The following RBPJL variants were observed in gnomAD, a reference collection of about 807,000 sequenced individuals.
RBPJL encodes recombination signal binding protein for immunoglobulin kappa J region like.
In RBPJL, 50 loss-of-function variants were observed where a neutral mutation model predicts 57.6. That is an observed-to-expected ratio of 0.87 (90% CI 0.69 to 1.10). The LOEUF is 1.10. Among genes scored for constraint, RBPJL ranks in the 50% least tolerant of loss-of-function variants. RBPJL has a pLI of 0.00. For missense variants in RBPJL, 684 were observed against 693.7 expected, an observed-to-expected ratio of 0.99 and a Z score of 0.16; for synonymous variants, 303 against 294.4, an observed-to-expected ratio of 1.03 and a Z score of -0.30.
In RBPJL at chr20:45,308,158, C is replaced by T; in HGVS notation, c.38C>T (p.Pro13Leu). 1 of 1,613,790 alleles carries T rather than the reference C, an allele frequency of 6.2e-7. No individual in the cohort carries two copies. The highest frequency in any genetic ancestry group is 1.1e-5 in the South Asian group (1 of 91,078). Residue 13 changes from proline to leucine, a missense_variant, in exon 2 of 12, where the codon CCC (proline) becomes CTC (leucine). Coordinates refer to ENST00000343694, the MANE Select transcript of RBPJL (RefSeq NM_014276.4). ...PAGAADPSVP[P>L]NPLTHLSLQD... ...TCCCCTGCAGACCCCTCAGTGCCTC[C>T]CAATCCTTTGACTCACCTGAGCCTG...
chr20:45,309,544 C>A, intron 2 of RBPJL, 23 bp from the exon 3 acceptor site: 1 of 1,591,236 alleles, frequency 6.3e-7, no homozygotes, highest in South Asian at 1.1e-5. Flanking sequence ...TGTGGCTGGT[C>A]GACCTGCCTG....
chr20:45,316,262 T>A lies in RBPJL; in HGVS notation c.1096T>A (p.Ser366Thr). 6.2e-7 allele frequency: 1 copy of A among 1,614,118 alleles called. No homozygotes were observed. The highest frequency in any genetic ancestry group is 8.5e-7 in the Non-Finnish European group (1 of 1,180,004). ...SSCWTIIGTESVEFSFSTSLA... is the reference protein window; with the variant it reads ...SSCWTIIGTETVEFSFSTSLA... The stretch of plus-strand genomic sequence containing the variant: ...TTGCTGGACCATCATCGGCACCGAG[T>A]CGGTGGAATTTTCCTTCAGCACCAG... Residue 366 changes from serine (S) to threonine (T), a missense_variant, in exon 10 of 12, where the codon TCG (serine) becomes ACG (threonine). Coordinates refer to ENST00000343694, the MANE Select transcript of RBPJL (RefSeq NM_014276.4).
At chr20:45,308,287 C>A in intron 2 of RBPJL, 36 bp downstream of exon 2, 1 of 1,411,878 alleles carries the variant, frequency 7.1e-7, no homozygotes, top group Non-Finnish European at 1.0e-6. Context: ...TAGGTGGGGA[C>A]TGCCAGGCAG....
In RBPJL at chr20:45,312,157, G is replaced by A. The variant is rs538719051; in HGVS notation, c.445-64G>A. The A allele has an allele frequency of 3.0e-5, 48 of 1,607,272 alleles. No individual in the cohort carries two copies. The African/African-American group carries it at 4.7e-4, about 16-fold the overall frequency. ...CGGGGCGGACGTCCGATATCTGGGA[G>A]AGGTTGGTTCATCCGACGGGGGAGG... On this transcript the variant is annotated intron_variant, in intron 5 of 11. Coordinates refer to ENST00000343694, the MANE Select transcript of RBPJL (RefSeq NM_014276.4).
chr20:45,312,791 A>T (rs1364661840), intron 6 of RBPJL, among the ~76,000 whole-genome samples: 4 of 150,722 alleles, frequency 2.7e-5, no homozygotes, highest in Non-Finnish European at 4.4e-5. Flanking sequence ...GAAGTTCAAG[A>T]CTAGCTAGGG....
intron 2 of RBPJL, among the ~76,000 whole-genome samples, chr20:45,308,903 C>T (rs1278739593): frequency 2.0e-5 from 3 of 152,154 alleles, no homozygotes; most frequent in South Asian, 2.1e-4. Context: ...CCAATGTCAT[C>T]TGCCTTGACT....
intron 2 of RBPJL, 106 bp from the exon 3 acceptor site, chr20:45,309,461 C>CT: frequency 7.8e-7 from 1 of 1,282,388 alleles, no homozygotes; most frequent in Admixed American, 2.5e-5. Flanking sequence ...CCCACTCACT[C>CT]TAACCCCCTG....
chr20:45,310,570 G>A (rs766655206), intron 3 of RBPJL, among the ~76,000 whole-genome samples: 1 of 151,788 alleles, frequency 6.6e-6, no homozygotes, highest in Admixed American at 6.6e-5. Flanking sequence ...TCATGCCACT[G>A]CACTCCAGCC....
intron 9 of RBPJL, among the ~76,000 whole-genome samples, chr20:45,315,093 A>C (rs1017083242): frequency 6.6e-6 from 1 of 152,180 alleles, no homozygotes; most frequent in Non-Finnish European, 1.5e-5. Context: ...CAAAAAAAGT[A>C]AGTAAATAAA....
At position 45,308,088 on chromosome 20, in the gene RBPJL, G is replaced by A. The variant is rs1986891984; in HGVS notation, c.23-55G>A. ...CAAATCAGATAGGGCACCCTAGGCA[G>A]CGTCTCTGCTAAAATACACTCGCCT... is the stretch of plus-strand genomic sequence containing the variant. On this transcript the variant is annotated intron_variant, in intron 1 of 11. Coordinates refer to ENST00000343694, the MANE Select transcript of RBPJL (RefSeq NM_014276.4). 3 of 1,274,670 alleles carry A rather than the reference G, an allele frequency of 2.4e-6. No homozygotes were observed. In the African/African-American group the frequency reaches 4.4e-5, roughly 19 times the overall value. 79.0% of individuals were successfully genotyped at this position (1,274,670 alleles called of 1,614,324 possible). A position where few individuals can be genotyped will look rare whatever the true frequency, so the allele number is the denominator to read the frequency against.
intron 1 of RBPJL, 87 bp from the exon 2 acceptor site, chr20:45,308,056 G>A: frequency 2.3e-6 from 2 of 854,068 alleles, no homozygotes; most frequent in Admixed American, 2.0e-5. Flanking sequence ...AGTGGGGAAG[G>A]GCACTGCAAA....
At chr20:45,315,931 A>AAAGG (rs902642408) in intron 9 of RBPJL, 11 of 385,174 alleles carry the variant, frequency 2.9e-5, no homozygotes, top group Middle Eastern at 6.4e-4. Context: ...AAGAAAAAGA[A>AAAGG]AAGGAAGGAA....
intron 1 of RBPJL, 40 bp downstream of exon 1, chr20:45,306,984 G>A (rs1196002670): frequency 8.1e-7 from 1 of 1,227,818 alleles, no homozygotes; most frequent in Non-Finnish European, 1.0e-6. Context: ...GACGCCCCGT[G>A]AGAACTACGA....
rs901696106 is a variant in RBPJL at position 45,316,572 on chromosome 20, C to T, written c.1272C>T (p.Thr424=). The part of the protein sequence containing the change: ...KVWFGDVEAE[T]MYRSPRSLVC... The stretch of plus-strand genomic sequence containing the variant: ...GGTTTGGGGACGTGGAGGCAGAAAC[C>T]ATGTACAGGTACGGGGTGGTGAGGC... The change falls in exon 11 of 12, where the codon ACC becomes ACT. Residue 424 remains threonine, a synonymous_variant. Transcript: ENST00000343694. The T allele has an allele frequency of 7.8e-6, 12 of 1,533,330 alleles. No individual in the cohort carries two copies. The East Asian group carries it at 2.7e-4, about 35-fold the overall frequency. The allele number at this position is 1,533,330 out of a possible 1,614,324, so 95.0% of individuals were successfully genotyped here. A position where few individuals can be genotyped will look rare whatever the true frequency, so the allele number is the denominator to read the frequency against.
rs1233432953 is a variant in RBPJL at position 45,317,819 on chromosome 20, A to G, written c.*860A>G. The G allele has an allele frequency of 6.6e-6, 1 of 152,178 alleles. No individual in the cohort carries two copies. The highest frequency in any genetic ancestry group is 1.9e-4 in the East Asian group (1 of 5,184). The allele number at this position is 152,178 out of a possible 1,614,324, so 9.4% of individuals were successfully genotyped here. ...CTACAGCTGCATTAAAATCAATCCT[A>G]TCCAAGGCAGAGTTTGGTCTGTATG... On this transcript the variant is annotated 3_prime_UTR_variant, in exon 12 of 12. Transcript: ENST00000343694.
Position 45,309,460 on chromosome 20 carries a change from T to C in RBPJL, c.132-107T>C, listed in dbSNP as rs1178484852. The C allele has an allele frequency of 2.4e-6, 3 of 1,252,244 alleles. No homozygotes were observed. The East Asian group carries it at 7.9e-5, about 33-fold the overall frequency. The allele number at this position is 1,252,244 out of a possible 1,614,324, so 77.6% of individuals were successfully genotyped here. A position where few individuals can be genotyped will look rare whatever the true frequency, so the allele number is the denominator to read the frequency against. ...AGAGCAGCCCCACCCTCCCACTCAC[T>C]CTAACCCCCTGCTCACTTCATTTTA... On this transcript the variant is annotated intron_variant, in intron 2 of 11. Coordinates refer to ENST00000343694, the MANE Select transcript of RBPJL (RefSeq NM_014276.4).
rs200750997 is a variant in RBPJL, at chr20:45,308,236, C to G, written c.116C>G (p.Pro39Arg). Reference protein sequence around the residue: ...LQSEADRRSLPGTWTRSSPEH... With the variant: ...LQSEADRRSLRGTWTRSSPEH... Reference sequence around the variant, plus strand: ...AGCGAAGCCGACAGGCGGAGCCTCCCGGGCACTTGGACCAGGTAACGGCGG... The same window carrying G: ...AGCGAAGCCGACAGGCGGAGCCTCCGGGGCACTTGGACCAGGTAACGGCGG... The change falls in exon 2 of 12, where the codon CCG becomes CGG. Residue 39 changes from proline to arginine, a missense_variant. Transcript: ENST00000343694. The G allele has an allele frequency of 1.4e-5, 22 of 1,612,860 alleles. No homozygotes were observed. The highest frequency in any genetic ancestry group is 1.3e-4 in the Admixed American group (8 of 59,994).
chr20:45,313,578 C>G lies in RBPJL; in HGVS notation c.730C>G (p.Gln244Glu), dbSNP rs145117898. ...EDGAFVASAR[Q>E]WAAFTLHLAD... The stretch of plus-strand genomic sequence containing the variant: ...TGGGGCCTTTGTGGCCAGTGCACGA[C>G]AGTGGGCTGCCTTCACGCTCCACCT... Residue 244 changes from glutamine to glutamate, a missense_variant, in exon 7 of 12, where the codon CAG becomes GAG. By Grantham distance (29) the Gln-to-Glu change is conservative. Coordinates refer to ENST00000343694, the MANE Select transcript of RBPJL (RefSeq NM_014276.4). 189 of 1,612,642 alleles carry G rather than the reference C, an allele frequency of 1.2e-4. No individual in the cohort carries two copies. In the African/African-American group the frequency reaches 2.2e-3, roughly 19 times the overall value.
At position 45,317,692 on chromosome 20, in the gene RBPJL, G is replaced by C. The variant is rs1987537708; in HGVS notation, c.*733G>C. ...TCCCTGGTCCACAGATTTGGTGGCT[G>C]GGCAGGTGCCTGGACAGTGATGAGG... On this transcript the variant is annotated 3_prime_UTR_variant, in exon 12 of 12. Transcript: ENST00000343694. 1.3e-5 allele frequency: 2 copies of C among 152,386 alleles called. No homozygotes were observed. The highest frequency in any genetic ancestry group is 2.9e-5 in the Non-Finnish European group (2 of 68,248). The allele number at this position is 152,386 out of a possible 1,614,324, so 9.4% of individuals were successfully genotyped here.
Sources: gnomAD v4.1 joint callset for allele counts (sites outside exome capture counted in the v4.1 genomes callset) on GRCh38, gnomAD v4.1.1 for gene constraint, MANE v1.5 for transcripts, NCBI Gene and HGNC (gene_info 2026-07-23, HGNC 2026-07-21) for gene names.